Variants in GLB1L3 observed in about 807,000 individuals in gnomAD.
The protein encoded by GLB1L3 is beta-galactosidase-1-like protein 3.
GLB1L3 carries 89 observed loss-of-function variants against 89.5 expected under a neutral mutation model. That is an observed-to-expected ratio of 0.99 (90% CI 0.84 to 1.19). GLB1L3 has a LOEUF of 1.19. Among genes scored for constraint, GLB1L3 ranks in the 50% most tolerant of loss-of-function variants. The pLI is 0.00. For missense variants in GLB1L3, 812 were observed against 813.3 expected (o/e 1.00, Z 0.02); for synonymous variants, 314 against 312.3 (o/e 1.01, Z -0.06).
At chr11:134,317,789 ATTTAT>A in intron 18 of GLB1L3, among the ~76,000 whole-genome samples, 1 of 152,074 alleles carries the variant, frequency 6.6e-6, no homozygotes, top group East Asian at 1.9e-4. Context: ...TTGTAAATTT[ATTTAT>A]TTCTCTTCTG....
chr11:134,286,930 GT>G (rs1215321725), intron 6 of GLB1L3, among the ~76,000 whole-genome samples: 1 of 151,326 alleles, frequency 6.6e-6, no homozygotes, highest in Non-Finnish European at 1.5e-5. Flanking sequence ...GGAGGCCGAG[GT>G]GGGTGGATCA....
chr11:134,284,970 C>T (rs1940903457), intron 6 of GLB1L3, among the ~76,000 whole-genome samples: 1 of 145,558 alleles, frequency 6.9e-6, no homozygotes, highest in Admixed American at 6.9e-5. Context: ...ACTCTGTTGC[C>T]CAGGCTGGAG....
rs562133315 is a variant in GLB1L3, at chr11:134,306,600, T to C, written c.877-524T>C. ...AAATGCATGCTGAGTGGCTGACATATCACCCAGAAGAAGCTCAGCTATGAT... is the reference window on the plus strand; with the variant it reads ...AAATGCATGCTGAGTGGCTGACATACCACCCAGAAGAAGCTCAGCTATGAT... On this transcript the variant is annotated intron_variant, in intron 9 of 19. Coordinates refer to ENST00000431683, the MANE Select transcript of GLB1L3 (RefSeq NM_001080407.3). Among the ~76,000 whole-genome samples the C allele has an allele frequency of 1.0e-3, 159 of 152,278 alleles. 3 individuals carry two copies. The South Asian group carries it at 0.032, about 31-fold the overall frequency.
At chr11:134,279,840 A>G (rs928941693) in intron 3 of GLB1L3, among the ~76,000 whole-genome samples, 3 of 151,894 alleles carry the variant, frequency 2.0e-5, no homozygotes, top group Admixed American at 6.6e-5. Flanking sequence ...TACTCTCTGT[A>G]TATTTCGGAT....
intron 16 of GLB1L3, 35 bp downstream of exon 16, chr11:134,313,509 A>G: frequency 6.6e-7 from 1 of 1,508,412 alleles, no homozygotes; most frequent in South Asian, 1.2e-5. Context: ...TCAGTTGCTC[A>G]GAACCGAAGA....
At chr11:134,313,793 C>A in intron 16 of GLB1L3, 148 bp from the exon 17 acceptor site, 2 of 655,852 alleles carry the variant, frequency 3.0e-6, no homozygotes, top group East Asian at 5.4e-5. Flanking sequence ...TAGAACCCTT[C>A]AGTCACAGCA....
chr11:134,313,521 C>T (rs2136227185), intron 16 of GLB1L3, 47 bp downstream of exon 16: 1 of 1,464,190 alleles, frequency 6.8e-7, no homozygotes. Flanking sequence ...AACCGAAGAC[C>T]CGGGCTATGC....
In GLB1L3 at chr11:134,314,434, G is replaced by A. The variant is rs1942893666; in HGVS notation, c.1772G>A (p.Ser591Asn). Residue 591 changes from serine to asparagine, a missense_variant, in exon 18 of 20, where the codon AGC (serine) becomes AAC (asparagine). Ser to Asn is a conservative substitution (Grantham distance 46). This residue lies in a region of GLB1L3 where 618 missense variants were observed against 604.0 expected (regional missense o/e 1.02). Transcript: ENST00000431683. ...AGPSPKDTFL[S>N]LLNWNYGFVF... The stretch of plus-strand genomic sequence containing the variant: ...CCTTCTCCCAAGGACACCTTCCTGA[G>A]CCTGCTGGTAGGTGATGCCCTCTGC... 1 of 1,544,598 alleles carries A rather than the reference G, an allele frequency of 6.5e-7. No homozygotes were observed. Among genetic ancestry groups the A allele is most frequent in the Non-Finnish European group, 8.8e-7 (1 of 1,140,664 alleles).
At position 134,311,802 on chromosome 11, in the gene GLB1L3, C is replaced by CT. The variant is rs369706623; in HGVS notation, c.1288-538dup. 8.0e-4 allele frequency: 121 copies of CT among 152,100 alleles called. 2 individuals are homozygous for CT. The highest frequency in any genetic ancestry group is 2.1e-3 in the African/African-American group (88 of 41,348). 9.4% of individuals were successfully genotyped at this position (152,100 alleles called of 1,614,324 possible). A position where few individuals can be genotyped will look rare whatever the true frequency, so the allele number is the denominator to read the frequency against. On this transcript the variant is annotated intron_variant, in intron 13 of 19. Coordinates refer to ENST00000431683, the MANE Select transcript of GLB1L3 (RefSeq NM_001080407.3). The stretch of plus-strand genomic sequence containing the variant: ...TATTTTAGAATACAATTTATTTACT[C>CT]TTTTTTTTTCTTGAGACAGGGTCTT...
intron 7 of GLB1L3, among the ~76,000 whole-genome samples, chr11:134,289,262 G>T (rs1429983587): frequency 1.3e-5 from 2 of 152,110 alleles, no homozygotes; most frequent in African/African-American, 4.8e-5. Context: ...TCATTAAGCA[G>T]AAATGGATCA....
At chr11:134,314,565 TCCAA>T in intron 18 of GLB1L3, 124 bp downstream of exon 18, 3 of 699,410 alleles carry the variant, frequency 4.3e-6, no homozygotes, top group Non-Finnish European at 7.6e-6. Flanking sequence ...CTTCCTCATC[TCCAA>T]CCAAGCCTTC....
intron 16 of GLB1L3, 149 bp downstream of exon 16, chr11:134,313,623 C>G (rs1204410401): frequency 1.4e-6 from 1 of 718,820 alleles, no homozygotes; most frequent in Non-Finnish European, 2.4e-6. Flanking sequence ...ATCGGCCCCT[C>G]GCCCTTGTCT....
intron 3 of GLB1L3, 111 bp from the exon 4 acceptor site, chr11:134,281,266 T>C: frequency 2.4e-6 from 3 of 1,247,122 alleles, no homozygotes; most frequent in Non-Finnish European, 3.5e-6. Flanking sequence ...TAACTTCAAC[T>C]TATTTCAAAA....
rs775360870 is a variant in GLB1L3, at chr11:134,309,718, G to A, written c.1054G>A (p.Gly352Arg). The A allele has an allele frequency of 4.3e-5, 70 of 1,613,380 alleles. No homozygotes were observed. Among genetic ancestry groups the A allele is most frequent in the East Asian group, 6.7e-5 (3 of 44,882 alleles). ...TGGAACCAACTTTGGTTTCATGAAC[G>A]GGGCCACATATTTCGGGAAGCACTC... is the stretch of plus-strand genomic sequence containing the variant. ...HGGTNFGFMNGATYFGKHSGI... is the reference protein window; with the variant it reads ...HGGTNFGFMNRATYFGKHSGI... The change falls in exon 11 of 20, where the codon GGG (glycine) becomes AGG (arginine). Residue 352 changes from glycine to arginine, a missense_variant. Gly to Arg is a moderately radical substitution (Grantham distance 125). This residue lies in a region of GLB1L3 where 618 missense variants were observed against 604.0 expected (regional missense o/e 1.02). Coordinates refer to ENST00000431683, the MANE Select transcript of GLB1L3 (RefSeq NM_001080407.3).
chr11:134,317,566 T>G lies in GLB1L3; in HGVS notation c.1780-1065T>G, dbSNP rs1362326416. Reference sequence around the variant, plus strand: ...TGCATTATAGTCTGAGAAGTTTATGTGAAGACTAGTTTAATACAGGATCAA... The same window carrying G: ...TGCATTATAGTCTGAGAAGTTTATGGGAAGACTAGTTTAATACAGGATCAA... On this transcript the variant is annotated intron_variant, in intron 18 of 19. Coordinates refer to ENST00000431683, the MANE Select transcript of GLB1L3 (RefSeq NM_001080407.3). 3.3e-5 allele frequency among the ~76,000 whole-genome samples: 5 copies of G among 152,218 alleles called. No homozygotes were observed. The East Asian group carries it at 9.6e-4, about 29-fold the overall frequency.
rs550284457 is a variant in GLB1L3 at position 134,282,275 on chromosome 11, G to T, written c.527+155G>T. Among the ~76,000 whole-genome samples the T allele has an allele frequency of 3.4e-4, 52 of 152,254 alleles. No homozygotes were observed. The South Asian group carries it at 0.01, about 30-fold the overall frequency. ...CCACGCACCGTGCCTGTGTTGTCTT[G>T]TGGGAAGCCTGCGGTACTGCGGTGG... On this transcript the variant is annotated intron_variant, in intron 5 of 19. Coordinates refer to ENST00000431683, the MANE Select transcript of GLB1L3 (RefSeq NM_001080407.3).
downstream of GLB1L3, among the ~76,000 whole-genome samples, chr11:134,323,071 A>AAAG (rs1218931471): frequency 1.4e-4 from 22 of 152,244 alleles, no homozygotes; most frequent in African/African-American, 4.6e-4. Flanking sequence ...CATCCTCACC[A>AAAG]ACACTTGATT....
chr11:134,318,760 A>G lies in GLB1L3; in HGVS notation c.1896+13A>G, dbSNP rs757851504. On this transcript the variant is annotated intron_variant, in intron 19 of 19. Transcript: ENST00000431683. ...AGAAGACAATGAGGTATGTCACTCC[A>G]GTCTCTGCCTTGAGATCTCATAAAC... 4 of 1,574,116 alleles carry G rather than the reference A, an allele frequency of 2.5e-6. No individual in the cohort carries two copies. The highest frequency in any genetic ancestry group is 8.7e-7 in the Non-Finnish European group (1 of 1,144,414).
intron 6 of GLB1L3, among the ~76,000 whole-genome samples, chr11:134,285,914 T>G (rs948668466): frequency 1.3e-5 from 2 of 151,178 alleles, no homozygotes; most frequent in African/African-American, 2.4e-5. Context: ...TTCTGTTTTT[T>G]TTTTTTTTTT....
Sources: gnomAD v4.1 joint callset for allele counts (sites outside exome capture counted in the v4.1 genomes callset) on GRCh38, gnomAD v4.1.1 for gene constraint, gnomAD v4.1.1 regional missense constraint, MANE v1.5 for transcripts, NCBI Gene and HGNC (gene_info 2026-07-23, HGNC 2026-07-21) for gene names.